VAV2: variants seen among roughly 807,000 people sequenced by gnomAD.
The protein encoded by VAV2 is guanine nucleotide exchange factor VAV2.
VAV2 carries 67 observed loss-of-function variants against 132.5 expected under a neutral mutation model. The observed-to-expected ratio is 0.51, with a 90% CI of 0.42 to 0.62. The LOEUF (loss-of-function observed/expected upper bound fraction) is 0.62. Among genes scored for constraint, VAV2 ranks in the 20% least tolerant of loss-of-function variants. The pLI, the probability that VAV2 is intolerant of heterozygous loss-of-function variation, is 0.00. For missense variants in VAV2, 938 were observed against 1,153.6 expected (o/e 0.81, Z 2.71); for synonymous variants, 492 against 443.5 (o/e 1.11, Z -1.37).
At chr9:133,847,915 A>G (rs1260688837) in intron 3 of VAV2, among the ~76,000 whole-genome samples, 2 of 152,186 alleles carry the variant, frequency 1.3e-5, no homozygotes, top group Non-Finnish European at 2.9e-5. Context: ...CGTGCTGATC[A>G]CTAACAGGGA....
intron 1 of VAV2, among the ~76,000 whole-genome samples, chr9:133,945,167 C>CCAAG (rs1336631667): frequency 6.6e-6 from 1 of 152,204 alleles, no homozygotes; most frequent in Admixed American, 6.5e-5. Context: ...GGTTTGACCC[C>CCAAG]CAAGGCCAGA....
Position 133,763,681 on chromosome 9 carries a change from T to C in VAV2, c.*381A>G, listed in dbSNP as rs1467485758. On this transcript the variant is annotated 3_prime_UTR_variant, in exon 30 of 30. Coordinates refer to ENST00000371850, the MANE Select transcript of VAV2 (RefSeq NM_001134398.2). The surrounding 1 kb of genome is among the most constrained non-coding windows in gnomAD (Gnocchi z 6.8). The stretch of plus-strand genomic sequence containing the variant: ...GGTCCCCTCCGATGTCCCTAGCCCT[T>C]CCTGGGACAGCATCTGCTGTTCAAA... 2 of 265,422 alleles carry C rather than the reference T, an allele frequency of 7.5e-6. No individual in the cohort carries two copies. Among genetic ancestry groups the C allele is most frequent in the Non-Finnish European group, 1.5e-5 (2 of 135,364 alleles). 16.4% of individuals were successfully genotyped at this position (265,422 alleles called of 1,614,324 possible). A position where few individuals can be genotyped will look rare whatever the true frequency, so the allele number is the denominator to read the frequency against.
intron 1 of VAV2, among the ~76,000 whole-genome samples, chr9:133,972,992 G>T (rs1401157474): frequency 6.6e-6 from 1 of 152,156 alleles, no homozygotes; most frequent in Non-Finnish European, 1.5e-5. Context: ...GGAGGCGGAG[G>T]AGGAGGGCAC....
At chr9:133,878,749 C>T (rs1838368205) in intron 2 of VAV2, among the ~76,000 whole-genome samples, 1 of 152,208 alleles carries the variant, frequency 6.6e-6, no homozygotes. Context: ...CCCCGCCACC[C>T]ACACCAGGGG....
intron 23 of VAV2, 24 bp downstream of exon 23, chr9:133,777,365 A>G: frequency 6.2e-7 from 1 of 1,612,986 alleles, no homozygotes; most frequent in Non-Finnish European, 8.5e-7. Context: ...CGTGCTCCAG[A>G]AGCTTCTGTG....
chr9:133,911,234 G>T (rs1839874970), intron 2 of VAV2, among the ~76,000 whole-genome samples: 1 of 152,212 alleles, frequency 6.6e-6, no homozygotes. Flanking sequence ...GTCCCACCAG[G>T]AACACACCCG....
chr9:133,915,811 CAT>C, intron 2 of VAV2, among the ~76,000 whole-genome samples: 1 of 56,368 alleles, frequency 1.8e-5, no homozygotes, highest in Admixed American at 1.9e-4. Flanking sequence ...ACGATGCACA[CAT>C]GCACTCACAC....
At position 133,806,101 on chromosome 9, in the gene VAV2, G is replaced by A. The variant is rs1835128489; in HGVS notation, c.816C>T (p.Val272=). The A allele has an allele frequency of 6.2e-7, 1 of 1,613,012 alleles. No individual in the cohort carries two copies. The highest frequency in any genetic ancestry group is 8.5e-7 in the Non-Finnish European group (1 of 1,179,966). ...CTCACCTTTCCTTGAAATCGAGGAA[G>A]ACCTTGGCCAGCGTGCTGCCCCCCA... is the stretch of plus-strand genomic sequence containing the variant. ...VMVGGSTLAK[V]FLDFKERLLI... The change falls in exon 9 of 30, where the codon GTC becomes GTT. Residue 272 remains valine (V), a synonymous_variant. Coordinates refer to ENST00000371850, the MANE Select transcript of VAV2 (RefSeq NM_001134398.2).
chr9:133,807,371 AC>A (rs1564366611), intron 7 of VAV2, 45 bp from the exon 8 acceptor site: 1 of 1,551,226 alleles, frequency 6.4e-7, no homozygotes, highest in Admixed American at 1.9e-5. Flanking sequence ...GCTGTTGCCC[AC>A]CCTCTCAAGG....
chr9:133,801,566 C>T (rs1364488860), intron 9 of VAV2, among the ~76,000 whole-genome samples: 1 of 152,224 alleles, frequency 6.6e-6, no homozygotes, highest in Admixed American at 6.5e-5. Flanking sequence ...CCAGCACCTG[C>T]ACACCCCTAG....
intron 1 of VAV2, among the ~76,000 whole-genome samples, chr9:133,976,813 C>T (rs75381364): frequency 3.3e-5 from 5 of 152,346 alleles, no homozygotes; most frequent in South Asian, 4.1e-4. Flanking sequence ...ACTGCATGGA[C>T]GGACTCTGTG....
intron 1 of VAV2, among the ~76,000 whole-genome samples, chr9:133,952,272 C>G (rs1223577812): frequency 6.6e-6 from 1 of 152,058 alleles, no homozygotes; most frequent in Non-Finnish European, 1.5e-5. Flanking sequence ...TATTTGTGAC[C>G]TTACTTGGAA....
intron 3 of VAV2, among the ~76,000 whole-genome samples, chr9:133,854,109 ATACCCCT>A (rs2131846780): frequency 7.4e-6 from 1 of 134,996 alleles, no homozygotes; most frequent in African/African-American, 3.2e-5. Flanking sequence ...ATGCACACAC[ATACCCCT>A]TGCACCTGCA....
rs1481419906 is a variant in VAV2, at chr9:133,857,490, C to T, written c.380+3884G>A. Among the ~76,000 whole-genome samples, 2 of 152,198 alleles carry T rather than the reference C, an allele frequency of 1.3e-5. No homozygotes were observed. The highest frequency in any genetic ancestry group is 4.8e-5 in the African/African-American group (2 of 41,440). On this transcript the variant is annotated intron_variant, in intron 3 of 29. Coordinates refer to ENST00000371850, the MANE Select transcript of VAV2 (RefSeq NM_001134398.2). This position sits in a 1 kb window ranked among gnomAD's most constrained non-coding sequence, Gnocchi z 4.0. ...ATTTTTTGAAGGAGCACGTTGGGCT[C>T]CTACCCAGCCATGAAATGAGGGAGA...
At chr9:133,800,268 G>A (rs563422912) in intron 9 of VAV2, among the ~76,000 whole-genome samples, 2 of 152,310 alleles carry the variant, frequency 1.3e-5, no homozygotes, top group Admixed American at 6.5e-5. Flanking sequence ...CCACCCCTGT[G>A]GCCCCTTTGA....
chr9:133,950,887 C>T (rs1331780885), intron 1 of VAV2, among the ~76,000 whole-genome samples: 6 of 152,140 alleles, frequency 3.9e-5, no homozygotes, highest in Admixed American at 3.3e-4. Context: ...CTCTCTGGAG[C>T]GCCCTATCTC....
At chr9:133,939,006 C>T in intron 2 of VAV2, 97 bp downstream of exon 2, 1 of 1,120,746 alleles carries the variant, frequency 8.9e-7, no homozygotes, top group Non-Finnish European at 1.4e-6. Flanking sequence ...GTGTTGGAGC[C>T]AATCAGGCTG....
intron 4 of VAV2, among the ~76,000 whole-genome samples, chr9:133,830,157 G>A (rs994706583): frequency 3.3e-5 from 5 of 152,224 alleles, no homozygotes; most frequent in Admixed American, 1.3e-4. Flanking sequence ...CCAAACAGCT[G>A]CAGAGTGTCT....
rs58155949 is a variant in VAV2 at position 133,802,323 on chromosome 9, T to TACACACACACACACACACACACACAC, written c.836+3732_836+3757dup. 3.3e-4 allele frequency among the ~76,000 whole-genome samples: 47 copies of TACACACACACACACACACACACACAC among 142,096 alleles called. No homozygotes were observed. The highest frequency in any genetic ancestry group is 1.2e-3 in the African/African-American group (45 of 38,388). The allele number at this position is 142,096 out of a possible 152,430, so 93.2% of individuals were successfully genotyped here. A position where few individuals can be genotyped will look rare whatever the true frequency, so the allele number is the denominator to read the frequency against. On this transcript the variant is annotated intron_variant, in intron 9 of 29. Coordinates refer to ENST00000371850, the MANE Select transcript of VAV2 (RefSeq NM_001134398.2). The surrounding 1 kb of genome is among the most constrained non-coding windows in gnomAD (Gnocchi z 5.8). ...GCACACAAACACACAAGCACGCGTG[T>TACACACACACACACACACACACACAC]ACACACACACACACACACACACACA...
Sources: gnomAD v4.1 joint callset for allele counts (sites outside exome capture counted in the v4.1 genomes callset) on GRCh38, gnomAD v4.1.1 for gene constraint, Gnocchi (gnomAD v3.1) non-coding constraint, MANE v1.5 for transcripts, NCBI Gene and HGNC (gene_info 2026-07-23, HGNC 2026-07-21) for gene names.